The following WWOX variants were observed in gnomAD, a reference collection of about 807,000 sequenced individuals.
WWOX encodes the protein WW domain containing oxidoreductase, also known as WW domain-containing oxidoreductase.
In WWOX, 69 loss-of-function variants were observed where a neutral mutation model predicts 46.2. The observed-to-expected ratio is 1.49, with a 90% CI of 1.23 to 1.82. The LOEUF (loss-of-function observed/expected upper bound fraction) is 1.82, where lower values mean the gene tolerates loss of function less well. Ranked by LOEUF, WWOX falls within the 40% of genes most tolerant of loss-of-function variation. The probability of loss-of-function intolerance (pLI) is 0.00; values close to 1 mark genes in which losing one functional copy is unlikely to be tolerated. For missense variants in WWOX, 919 were observed against 542.6 expected (o/e 1.69, Z -6.89); for synonymous variants, 359 against 202.6 (o/e 1.77, Z -6.56).
intron 8 of WWOX, among the ~76,000 whole-genome samples, chr16:78,771,808 TA>T (rs1330940598): frequency 6.9e-6 from 1 of 145,864 alleles, no homozygotes; most frequent in Non-Finnish European, 1.5e-5. Flanking sequence ...AATAAATAAA[TA>T]AATAAGAGTT....
At chr16:78,807,164 G>C (rs2051062834) in intron 8 of WWOX, among the ~76,000 whole-genome samples, 1 of 152,178 alleles carries the variant, frequency 6.6e-6, no homozygotes, top group African/African-American at 2.4e-5. Context: ...CCATTATTTA[G>C]GTTTCTTGTG....
intron 8 of WWOX, among the ~76,000 whole-genome samples, chr16:78,723,150 C>G (rs571375576): frequency 1.3e-5 from 2 of 152,290 alleles, no homozygotes; most frequent in African/African-American, 4.8e-5. Flanking sequence ...GCTGGCCTGC[C>G]GCTTGTGTTC....
chr16:78,804,219 C>T (rs543158629), intron 8 of WWOX, among the ~76,000 whole-genome samples: 1 of 152,110 alleles, frequency 6.6e-6, no homozygotes, highest in African/African-American at 2.4e-5. Context: ...TCTATGCCTT[C>T]CCCTGAACAC....
In WWOX at chr16:79,012,784, C is replaced by A. The variant is rs551510645; in HGVS notation, c.1057-198824C>A. 7.9e-5 allele frequency among the ~76,000 whole-genome samples: 12 copies of A among 152,352 alleles called. No homozygotes were observed. In the South Asian group the frequency reaches 2.5e-3, roughly 32 times the overall value. On this transcript the variant is annotated intron_variant, in intron 8 of 8. Coordinates refer to ENST00000566780, the MANE Select transcript of WWOX (RefSeq NM_016373.4). The stretch of plus-strand genomic sequence containing the variant: ...CAGCCCCTGAAACACAGCAGGTATT[C>A]GGTGCAGCCTTCTGTTTTCTTCCAG...
intron 8 of WWOX, among the ~76,000 whole-genome samples, chr16:78,489,003 C>G (rs772195099): frequency 6.6e-6 from 1 of 152,204 alleles, no homozygotes; most frequent in Non-Finnish European, 1.5e-5. Context: ...GCAGTCTCTG[C>G]AGAGTGTCTA....
At chr16:78,968,873 A>G (rs564903474) in intron 8 of WWOX, among the ~76,000 whole-genome samples, 3 of 152,252 alleles carry the variant, frequency 2.0e-5, no homozygotes, top group African/African-American at 4.8e-5. Flanking sequence ...GGGACTTGGA[A>G]TGTTTGTCAC....
chr16:78,149,747 C>T (rs866009446), intron 4 of WWOX, among the ~76,000 whole-genome samples: 5 of 152,156 alleles, frequency 3.3e-5, no homozygotes, highest in South Asian at 2.1e-4. Flanking sequence ...TGGCAAATCC[C>T]ATGATTTGTA....
In WWOX at chr16:78,996,751, C is replaced by G. The variant is rs367971117; in HGVS notation, c.1057-214857C>G. On this transcript the variant is annotated intron_variant, in intron 8 of 8. Coordinates refer to ENST00000566780, the MANE Select transcript of WWOX (RefSeq NM_016373.4). Reference sequence around the variant, plus strand: ...TGAAAACAGGTTGCTCTGCAATTCTCCCAACTGTTCCCTTCCCGCTTCCCA... The same window carrying G: ...TGAAAACAGGTTGCTCTGCAATTCTGCCAACTGTTCCCTTCCCGCTTCCCA... Among the ~76,000 whole-genome samples, 4 of 152,266 alleles carry G rather than the reference C, an allele frequency of 2.6e-5. No homozygotes were observed. The East Asian group carries it at 5.8e-4, about 22-fold the overall frequency.
intron 8 of WWOX, among the ~76,000 whole-genome samples, chr16:79,210,763 T>A (rs16949956): frequency 6.6e-6 from 1 of 151,990 alleles, no homozygotes; most frequent in African/African-American, 2.4e-5. Flanking sequence ...ATAGCATCCC[T>A]GACAGTATTC....
intron 5 of WWOX, among the ~76,000 whole-genome samples, chr16:78,362,558 G>C (rs1009186143): frequency 6.6e-6 from 1 of 152,078 alleles, no homozygotes; most frequent in South Asian, 2.1e-4. Flanking sequence ...GCAGTGAGCT[G>C]AGATGGCACC....
intron 8 of WWOX, among the ~76,000 whole-genome samples, chr16:78,578,356 C>G (rs1305113714): frequency 1.2e-4 from 15 of 128,504 alleles, no homozygotes; most frequent in African/African-American, 3.3e-4. Context: ...GTGGCGCAAT[C>G]TCGGCTCACT....
chr16:78,636,504 T>C (rs1014982313), intron 8 of WWOX, among the ~76,000 whole-genome samples: 3 of 152,218 alleles, frequency 2.0e-5, no homozygotes, highest in South Asian at 2.1e-4. Context: ...CTGTGTACTA[T>C]CTTTTTTTTC....
At chr16:78,893,514 G>A (rs151119629) in intron 8 of WWOX, among the ~76,000 whole-genome samples, 114 of 152,278 alleles carry the variant, frequency 7.5e-4, no homozygotes, top group Middle Eastern at 3.4e-3. Flanking sequence ...TGAGGTCACT[G>A]CCTAAGACAC....
At chr16:78,140,514 A>G (rs920011762) in intron 4 of WWOX, among the ~76,000 whole-genome samples, 10 of 152,288 alleles carry the variant, frequency 6.6e-5, no homozygotes, top group African/African-American at 2.4e-4. Flanking sequence ...TGTGTAGGGA[A>G]GGACCCTTCC....
chr16:78,624,954 C>T (rs1387754283), intron 8 of WWOX, among the ~76,000 whole-genome samples: 1 of 152,186 alleles, frequency 6.6e-6, no homozygotes, highest in African/African-American at 2.4e-5. Context: ...GTAAGAACAT[C>T]ATGGCCCCCT....
intron 8 of WWOX, among the ~76,000 whole-genome samples, chr16:78,451,698 T>C (rs1001908362): frequency 6.6e-5 from 10 of 152,208 alleles, no homozygotes; most frequent in African/African-American, 2.4e-4. Context: ...ACTAAAGCAA[T>C]GCTAGTCTTC....
chr16:78,286,034 C>T (rs546411395), intron 5 of WWOX, among the ~76,000 whole-genome samples: 1 of 152,124 alleles, frequency 6.6e-6, no homozygotes, highest in Non-Finnish European at 1.5e-5. Flanking sequence ...CCAAAAAGTA[C>T]AAGGCGAGAT....
chr16:78,926,075 G>C (rs978890868), intron 8 of WWOX, among the ~76,000 whole-genome samples: 1 of 152,164 alleles, frequency 6.6e-6, no homozygotes, highest in Non-Finnish European at 1.5e-5. Flanking sequence ...TGCTGCTCTT[G>C]GTAGAGGTTT....
chr16:78,618,072 G>A (rs968019358), intron 8 of WWOX, among the ~76,000 whole-genome samples: 1 of 152,140 alleles, frequency 6.6e-6, no homozygotes, highest in Non-Finnish European at 1.5e-5. Context: ...AATTTTCATG[G>A]CAAGCCTAAG....
Sources: gnomAD v4.1 joint callset for allele counts (sites outside exome capture counted in the v4.1 genomes callset) on GRCh38, gnomAD v4.1.1 for gene constraint, MANE v1.5 for transcripts, NCBI Gene and HGNC (gene_info 2026-07-23, HGNC 2026-07-21) for gene names.